The following POGLUT3 variants were observed in gnomAD, a reference collection of about 807,000 sequenced individuals.
POGLUT3 encodes protein O-glucosyltransferase 3.
Under a neutral mutation model 54.3 loss-of-function variants are expected in POGLUT3, and 48 were observed. The ratio of observed to expected loss-of-function variants is 0.88; its 90% CI spans 0.70 to 1.12. POGLUT3 has a LOEUF of 1.12. POGLUT3 is among the 50% of genes most tolerant of loss of function. POGLUT3 has a pLI of 0.00. For missense variants in POGLUT3, 629 were observed against 618.7 expected (o/e 1.02, Z -0.18); for synonymous variants, 218 against 237.4 (o/e 0.92, Z 0.75).
intron 2 of POGLUT3, chr11:108,486,768 T>G (rs1457446864): frequency 4.1e-6 from 1 of 244,526 alleles, no homozygotes. Flanking sequence ...AACGTATTAA[T>G]TTTTAGACAT....
rs1275193131 is a variant in POGLUT3 at position 108,491,118 on chromosome 11, C to G, written c.252G>C (p.Leu84Phe). The G allele has an allele frequency of 1.3e-6, 2 of 1,592,266 alleles. No individual in the cohort carries two copies. The highest frequency in any genetic ancestry group is 2.7e-5 in the African/African-American group (2 of 73,894). Residue 84 changes from leucine (L) to phenylalanine (F), a missense_variant, in exon 2 of 8, where the codon TTG (leucine) becomes TTC (phenylalanine). Coordinates refer to ENST00000323468, the MANE Select transcript of POGLUT3 (RefSeq NM_153705.5). ...VVVKSLSPKE[L>F]VRIHVPKPLD... ...AAGGTTTAGGGACATGTATCCGGAC[C>G]AACTCTTTAGGTGAAAGAGATTTGA...
intron 1 of POGLUT3, among the ~76,000 whole-genome samples, chr11:108,491,840 A>G (rs2093613961): frequency 6.6e-6 from 1 of 152,222 alleles, no homozygotes; most frequent in Non-Finnish European, 1.5e-5. Flanking sequence ...TTTGGGTAGG[A>G]TTAAAGCCCA....
chr11:108,479,531 G>T, intron 5 of POGLUT3, 36 bp from the exon 6 acceptor site: 1 of 1,497,756 alleles, frequency 6.7e-7, no homozygotes, highest in Non-Finnish European at 9.0e-7. Flanking sequence ...CAAACTTTCA[G>T]TAGTCATTTG....
chr11:108,483,399 C>G (rs1038027054), intron 3 of POGLUT3, among the ~76,000 whole-genome samples: 1 of 152,210 alleles, frequency 6.6e-6, no homozygotes, highest in Non-Finnish European at 1.5e-5. Context: ...AACACCACCT[C>G]TTCTATGACT....
intron 6 of POGLUT3, among the ~76,000 whole-genome samples, chr11:108,479,059 G>T (rs897553730): frequency 2.0e-5 from 3 of 152,124 alleles, no homozygotes; most frequent in Non-Finnish European, 4.4e-5. Flanking sequence ...ATAGCATTTA[G>T]AAAATCTGTA....
At chr11:108,495,799 A>T (rs1480733882) in intron 1 of POGLUT3, among the ~76,000 whole-genome samples, 1 of 151,990 alleles carries the variant, frequency 6.6e-6, no homozygotes, top group Non-Finnish European at 1.5e-5. Context: ...GGTAATTTTT[A>T]AAATTTTTAT....
At chr11:108,479,950 C>G (rs914697015) in intron 5 of POGLUT3, among the ~76,000 whole-genome samples, 15 of 152,142 alleles carry the variant, frequency 9.9e-5, no homozygotes, top group Non-Finnish European at 1.8e-4. Flanking sequence ...TCTGGTGCCT[C>G]AGCCTCCTGA....
intron 1 of POGLUT3, among the ~76,000 whole-genome samples, chr11:108,496,785 A>T (rs2093623022): frequency 6.6e-6 from 1 of 152,210 alleles, no homozygotes; most frequent in South Asian, 2.1e-4. Flanking sequence ...AAATTTCTCC[A>T]GTGGCTCTCT....
intron 3 of POGLUT3, among the ~76,000 whole-genome samples, chr11:108,485,712 C>T (rs1296936888): frequency 2.0e-5 from 3 of 151,584 alleles, no homozygotes; most frequent in Non-Finnish European, 2.9e-5. Flanking sequence ...GGTTGGAGTG[C>T]AGTGGCGCAA....
intron 1 of POGLUT3, among the ~76,000 whole-genome samples, chr11:108,493,752 C>T (rs1009933648): frequency 1.4e-5 from 2 of 145,214 alleles, no homozygotes; most frequent in Non-Finnish European, 3.0e-5. Context: ...TGCAGTGAGC[C>T]GAGATCGCGC....
intron 3 of POGLUT3, 112 bp downstream of exon 3, chr11:108,486,045 A>T: frequency 1.2e-6 from 1 of 803,402 alleles, no homozygotes; most frequent in Non-Finnish European, 2.0e-6. Flanking sequence ...AATATCTTAG[A>T]TGCCCATTTC....
At chr11:108,478,604 A>G (rs17108069) in intron 6 of POGLUT3, among the ~76,000 whole-genome samples, 1,913 of 152,320 alleles carry the variant, frequency 0.013, 39 homozygotes, top group African/African-American at 0.041. Flanking sequence ...AGAAATAGTC[A>G]GCGTTCCTAA....
chr11:108,490,928 C>G, intron 2 of POGLUT3, 42 bp downstream of exon 2: 1 of 1,518,616 alleles, frequency 6.6e-7, no homozygotes. Context: ...GGCATGGGAC[C>G]TACACACAAG....
intron 3 of POGLUT3, among the ~76,000 whole-genome samples, chr11:108,485,414 C>T (rs1413316708): frequency 1.3e-5 from 2 of 151,972 alleles, no homozygotes; most frequent in East Asian, 1.9e-4. Context: ...ATGGCTTGAG[C>T]CCAAGAATTT....
Position 108,491,821 on chromosome 11 carries a change from C to A in POGLUT3, c.203-654G>T, listed in dbSNP as rs1591645426. Reference sequence around the variant, plus strand: ...AAAATAAACTTTTTGCTTATTTGGTCTTTCCTCCTTTGGGTAGGATTAAAG... The same window carrying A: ...AAAATAAACTTTTTGCTTATTTGGTATTTCCTCCTTTGGGTAGGATTAAAG... On this transcript the variant is annotated intron_variant, in intron 1 of 7. Coordinates refer to ENST00000323468, the MANE Select transcript of POGLUT3 (RefSeq NM_153705.5). Among the ~76,000 whole-genome samples, 7 of 152,298 alleles carry A rather than the reference C, an allele frequency of 4.6e-5. No homozygotes were observed. In the South Asian group the frequency reaches 1.4e-3, roughly 32 times the overall value.
At chr11:108,489,050 C>A (rs1409633947) in intron 2 of POGLUT3, among the ~76,000 whole-genome samples, 1 of 151,944 alleles carries the variant, frequency 6.6e-6, no homozygotes, top group Non-Finnish European at 1.5e-5. Context: ...TTTAACTGCA[C>A]CCCAGAAAAG....
chr11:108,490,772 A>G (rs1362412910), intron 2 of POGLUT3, among the ~76,000 whole-genome samples, 198 bp downstream of exon 2: 2 of 152,258 alleles, frequency 1.3e-5, no homozygotes, highest in South Asian at 2.1e-4. Flanking sequence ...ATGGATGTAA[A>G]TACACAAGAT....
intron 3 of POGLUT3, among the ~76,000 whole-genome samples, chr11:108,482,984 G>T (rs1040562591): frequency 6.6e-6 from 1 of 152,076 alleles, no homozygotes; most frequent in Non-Finnish European, 1.5e-5. Context: ...TCTCAGTTTA[G>T]ACTCTCATCA....
Position 108,473,572 on chromosome 11 carries a change from G to GT in POGLUT3, c.*1254_*1255insA, listed in dbSNP as rs2093574312. 2 of 152,226 alleles carry GT rather than the reference G, an allele frequency of 1.3e-5. No homozygotes were observed. The allele number at this position is 152,226 out of a possible 1,614,324, so 9.4% of individuals were successfully genotyped here. Reference sequence around the variant, plus strand: ...TGAAATAGAAAAGTGGTGGAGTGAGGAATGGATGCTTGCCTTTGTTCTTGG... The same window carrying GT: ...TGAAATAGAAAAGTGGTGGAGTGAGGTAATGGATGCTTGCCTTTGTTCTTGG... On this transcript the variant is annotated 3_prime_UTR_variant, in exon 8 of 8. Transcript: ENST00000323468.
Sources: gnomAD v4.1 joint callset for allele counts (sites outside exome capture counted in the v4.1 genomes callset) on GRCh38, gnomAD v4.1.1 for gene constraint, MANE v1.5 for transcripts, NCBI Gene and HGNC (gene_info 2026-07-23, HGNC 2026-07-21) for gene names.